Variants in TCN2 observed in about 807,000 individuals in gnomAD.
TCN2 encodes the protein transcobalamin 2.
TCN2 carries 34 observed loss-of-function variants against 48.6 expected under a neutral mutation model. That is an observed-to-expected ratio of 0.70 (90% CI 0.53 to 0.93). TCN2 has a LOEUF of 0.93. Among genes scored for constraint, TCN2 ranks in the 40% least tolerant of loss-of-function variants. The pLI is 0.00. For synonymous variants in TCN2, 283 were observed against 212.5 expected (o/e 1.33, Z -2.89); for missense variants, 652 against 526.1 (o/e 1.24, Z -2.34).
At chr22:30,611,437 T>C (rs980333523) in intron 2 of TCN2, among the ~76,000 whole-genome samples, 1 of 152,178 alleles carries the variant, frequency 6.6e-6, no homozygotes, top group Non-Finnish European at 1.5e-5. Context: ...AGCATCTGAC[T>C]CTGTATGCTC....
chr22:30,615,733 C>T lies in TCN2; in HGVS notation c.886C>T (p.Leu296=). 1 of 1,614,232 alleles carries T rather than the reference C, an allele frequency of 6.2e-7. No individual in the cohort carries two copies. Among genetic ancestry groups the T allele is most frequent in the South Asian group, 1.1e-5 (1 of 91,082 alleles). ...ALMISQLLPV[L]NHKTYIDLIF... Reference sequence around the variant, plus strand: ...CATGATTTCCCAGCTGCTGCCCGTTCTGAACCACAAGACCTACATTGATCT... The same window carrying T: ...CATGATTTCCCAGCTGCTGCCCGTTTTGAACCACAAGACCTACATTGATCT... The change falls in exon 6 of 9, where the codon CTG becomes TTG. Residue 296 remains leucine (L), a synonymous_variant. Transcript: ENST00000215838.
intron 3 of TCN2, among the ~76,000 whole-genome samples, 187 bp downstream of exon 3, chr22:30,613,229 C>G (rs1009103055): frequency 2.6e-5 from 4 of 152,160 alleles, no homozygotes. Context: ...CAGCTTTTCC[C>G]GCGCTGCACA....
intron 2 of TCN2, among the ~76,000 whole-genome samples, chr22:30,612,119 C>T (rs1020520002): frequency 1.3e-5 from 2 of 151,936 alleles, no homozygotes; most frequent in East Asian, 3.9e-4. Flanking sequence ...GTGACTCATG[C>T]CTGTGGTCCC....
intron 8 of TCN2, 114 bp downstream of exon 8, chr22:30,623,197 A>G: frequency 2.2e-6 from 2 of 925,272 alleles, no homozygotes; most frequent in South Asian, 1.4e-5. Flanking sequence ...ACACCTTCAC[A>G]AAATCACTGA....
Position 30,611,079 on chromosome 22 carries a change from CTT to C in TCN2, c.257+20_257+21del. ...GCCTCCTAGGGTATTGCCACACTCT[CTT>C]TTTCCATGTCTTGCTCCACATACTA... is the stretch of plus-strand genomic sequence containing the variant. On this transcript the variant is annotated intron_variant, in intron 2 of 8. Transcript: ENST00000215838. The C allele has an allele frequency of 1.2e-6, 2 of 1,613,908 alleles. No homozygotes were observed. Among genetic ancestry groups the C allele is most frequent in the Non-Finnish European group, 1.7e-6 (2 of 1,179,896 alleles).
Position 30,615,407 on chromosome 22 carries a change from G to A in TCN2, c.687G>A (p.Glu229=). ...ITMAIRTVRE[E]ILKAQTPEGH... ...TGGCCATCAGAACAGTGCGAGAGGA[G>A]ATCTTGAAGGCCCAGACCCCCGAGG... Residue 229 remains glutamate (E), a synonymous_variant, in exon 5 of 9, where the codon GAG becomes GAA. Transcript: ENST00000215838. The A allele has an allele frequency of 6.2e-7, 1 of 1,614,186 alleles. No homozygotes were observed. The highest frequency in any genetic ancestry group is 1.1e-5 in the South Asian group (1 of 91,078).
Position 30,626,934 on chromosome 22 carries a change from G to T in TCN2, c.*413G>T, listed in dbSNP as rs1000958871. 9.8e-6 allele frequency: 3 copies of T among 305,534 alleles called. No homozygotes were observed. Among genetic ancestry groups the T allele is most frequent in the Non-Finnish European group, 1.9e-5 (3 of 155,716 alleles). 18.9% of individuals were successfully genotyped at this position (305,534 alleles called of 1,614,324 possible). The stretch of plus-strand genomic sequence containing the variant: ...CCCGGGGGCTATGGCCCTGACCCCA[G>T]CTCTCCACTCTGCTGTTAGAGTGGC... On this transcript the variant is annotated 3_prime_UTR_variant, in exon 9 of 9. Coordinates refer to ENST00000215838, the MANE Select transcript of TCN2 (RefSeq NM_000355.4).
At chr22:30,619,109 C>T (rs1434313115) in intron 7 of TCN2, among the ~76,000 whole-genome samples, 3 of 152,184 alleles carry the variant, frequency 2.0e-5, no homozygotes, top group Admixed American at 1.3e-4. Context: ...CAGGGTCTTA[C>T]TCTGTCACCT....
At chr22:30,607,597 A>T (rs897077157) in intron 1 of TCN2, among the ~76,000 whole-genome samples, 1 of 152,218 alleles carries the variant, frequency 6.6e-6, no homozygotes, top group South Asian at 2.1e-4. Flanking sequence ...TAATTCAGTC[A>T]TTCGTTCACA....
intron 8 of TCN2, 95 bp from the exon 9 acceptor site, chr22:30,626,365 A>G (rs1446259914): frequency 9.6e-6 from 13 of 1,352,086 alleles, no homozygotes; most frequent in Non-Finnish European, 1.4e-5. Flanking sequence ...GGATTCTTAC[A>G]GACTCTAGCC....
chr22:30,624,365 C>A (rs547254589), intron 8 of TCN2, among the ~76,000 whole-genome samples: 47 of 152,062 alleles, frequency 3.1e-4, no homozygotes, highest in Non-Finnish European at 5.9e-4. Context: ...TGAGCCACCA[C>A]GCCTGGCCTG....
intron 7 of TCN2, among the ~76,000 whole-genome samples, chr22:30,619,922 G>A (rs762918313): frequency 3.2e-4 from 48 of 152,186 alleles, no homozygotes; most frequent in Non-Finnish European, 4.7e-4. Context: ...GGGAGGCTGA[G>A]GCAGGAGGAT....
At chr22:30,622,629 A>G (rs72558387) in intron 7 of TCN2, among the ~76,000 whole-genome samples, 1 of 152,154 alleles carries the variant, frequency 6.6e-6, no homozygotes, top group African/African-American at 2.4e-5. Flanking sequence ...TACACATTCT[A>G]GGTGACACCA....
Position 30,622,958 on chromosome 22 carries a change from C to T in TCN2, c.1107-10C>T, listed in dbSNP as rs764096609. ...CCTCTTCTCTCCCCATTTGCCTTTC[C>T]CTTCTGTAGATATGAAACACAGGCC... On this transcript the variant is annotated splice_polypyrimidine_tract_variant and intron_variant, in intron 7 of 8. Coordinates refer to ENST00000215838, the MANE Select transcript of TCN2 (RefSeq NM_000355.4). The T allele has an allele frequency of 2.5e-5, 40 of 1,613,860 alleles. No individual in the cohort carries two copies. Among genetic ancestry groups the T allele is most frequent in the Admixed American group, 3.3e-5 (2 of 59,988 alleles).
intron 7 of TCN2, 49 bp from the exon 8 acceptor site, chr22:30,622,919 A>T: frequency 1.3e-6 from 2 of 1,588,752 alleles, no homozygotes; most frequent in Non-Finnish European, 1.7e-6. Flanking sequence ...CTCTCCCCTT[A>T]GGGACAACAG....
In TCN2 at chr22:30,624,068, A is replaced by ATG. The variant is rs1405162720; in HGVS notation, c.1222+986_1222+987insGT. The stretch of plus-strand genomic sequence containing the variant: ...TACACACACACACACACACATATAT[A>ATG]TATATATATATATTTTTTTTTTTTG... On this transcript the variant is annotated intron_variant, in intron 8 of 8. Coordinates refer to ENST00000215838, the MANE Select transcript of TCN2 (RefSeq NM_000355.4). Among the ~76,000 whole-genome samples, 52 of 100,524 alleles carry ATG rather than the reference A, an allele frequency of 5.2e-4. 1 individual carries two copies. The highest frequency in any genetic ancestry group is 6.7e-4 in the Non-Finnish European group (35 of 52,360). The allele number at this position is 100,524 out of a possible 152,430, so 65.9% of individuals were successfully genotyped here.
At chr22:30,613,952 C>T (rs148701289) in intron 3 of TCN2, among the ~76,000 whole-genome samples, 4 of 152,156 alleles carry the variant, frequency 2.6e-5, no homozygotes, top group African/African-American at 7.2e-5. Context: ...GGCTTCCCTG[C>T]GTGCAGTTCA....
chr22:30,615,181 CCTT>C (rs1569041016), intron 4 of TCN2, 117 bp from the exon 5 acceptor site: 9 of 1,048,976 alleles, frequency 8.6e-6, no homozygotes, highest in South Asian at 3.9e-5. Flanking sequence ...ACCATGTTGC[CCTT>C]CTTCTCCAAG....
chr22:30,610,279 TCAC>T (rs1052889791), intron 1 of TCN2: 8 of 471,034 alleles, frequency 1.7e-5, no homozygotes, highest in African/African-American at 1.4e-4. Context: ...TGGAGGAAGT[TCAC>T]CAGGCAGCCT....
Sources: gnomAD v4.1 joint callset for allele counts (sites outside exome capture counted in the v4.1 genomes callset) on GRCh38, gnomAD v4.1.1 for gene constraint, MANE v1.5 for transcripts, NCBI Gene and HGNC (gene_info 2026-07-23, HGNC 2026-07-21) for gene names.